CCDC82: variants seen among roughly 807,000 people sequenced by gnomAD.
CCDC82 encodes the protein coiled-coil domain containing 82.
A neutral mutation model predicts 60.6 loss-of-function variants in CCDC82; 47 were observed. That is an observed-to-expected ratio of 0.77 (90% CI 0.61 to 0.99). The LOEUF is 0.99. Ranked by LOEUF, CCDC82 falls within the 50% of genes least tolerant of loss-of-function variation. CCDC82 has a pLI of 0.00. For synonymous variants in CCDC82, 212 were observed against 207.4 expected, an observed-to-expected ratio of 1.02 and a Z score of -0.19; for missense variants, 588 against 633.0, an observed-to-expected ratio of 0.93 and a Z score of 0.76.
intron 5 of CCDC82, among the ~76,000 whole-genome samples, chr11:96,379,327 T>C (rs1865749445): frequency 6.6e-6 from 1 of 151,884 alleles, no homozygotes; most frequent in Admixed American, 6.6e-5. Flanking sequence ...AACTCAATCA[T>C]AAATTATCAC....
chr11:96,387,318 C>T (rs776332706), intron 2 of CCDC82: 1 of 152,126 alleles, frequency 6.6e-6, no homozygotes, highest in Non-Finnish European at 1.5e-5. Context: ...AGTTATTTAT[C>T]ATGAAACAGG....
At chr11:96,374,310 A>G (rs1232013578) in intron 5 of CCDC82, among the ~76,000 whole-genome samples, 1 of 152,174 alleles carries the variant, frequency 6.6e-6, no homozygotes, top group Non-Finnish European at 1.5e-5. Flanking sequence ...ATTAGCAACC[A>G]TGGATAGATT....
intron 3 of CCDC82, chr11:96,385,582 G>A (rs1461775049): frequency 6.6e-6 from 1 of 152,136 alleles, no homozygotes; most frequent in Non-Finnish European, 1.5e-5. Flanking sequence ...TAAAATGGGA[G>A]TGGCTTTCCC....
Position 96,380,006 on chromosome 11 carries a change from A to G in CCDC82, c.991+3263T>C, listed in dbSNP as rs575025467. On this transcript the variant is annotated intron_variant, in intron 5 of 9. Coordinates refer to ENST00000646818, the MANE Select transcript of CCDC82 (RefSeq NM_024725.4). ...GAATATTACAAACGGAAATGCAAGAAAAGTAGGGTACCACAGAAAGTAGAA... is the reference window on the plus strand; with the variant it reads ...GAATATTACAAACGGAAATGCAAGAGAAGTAGGGTACCACAGAAAGTAGAA... Among the ~76,000 whole-genome samples, 3 of 151,968 alleles carry G rather than the reference A, an allele frequency of 2.0e-5. No homozygotes were observed. The South Asian group carries it at 6.2e-4, about 32-fold the overall frequency.
intron 5 of CCDC82, chr11:96,381,186 A>C (rs1394896408): frequency 1.3e-5 from 2 of 151,704 alleles, no homozygotes; most frequent in African/African-American, 4.8e-5. Flanking sequence ...GCAGGAGTTG[A>C]TATGAGTTGG....
At position 96,384,119 on chromosome 11, in the gene CCDC82, G is replaced by A. The variant is rs765519872; in HGVS notation, c.629C>T (p.Pro210Leu). Reference sequence around the variant, plus strand: ...ACCTTCATCTTCAACCACTCTACGGGGACGTTTAACACCTACTTTTCTAAC... The same window carrying A: ...ACCTTCATCTTCAACCACTCTACGGAGACGTTTAACACCTACTTTTCTAAC... ...ILVRKVGVKR[P>L]RRVVEDEGSS... Residue 210 changes from proline (P) to leucine (L), a missense_variant, in exon 4 of 10, where the codon CCC (proline) becomes CTC (leucine). Coordinates refer to ENST00000646818, the MANE Select transcript of CCDC82 (RefSeq NM_024725.4). 5.0e-6 allele frequency: 8 copies of A among 1,613,474 alleles called. No individual in the cohort carries two copies. The highest frequency in any genetic ancestry group is 6.8e-6 in the Non-Finnish European group (8 of 1,179,736).
At chr11:96,356,520 A>C in intron 9 of CCDC82, 2 of 985,292 alleles carry the variant, frequency 2.0e-6, no homozygotes, top group South Asian at 9.4e-5. Context: ...TACTATCTTC[A>C]ACTTCCCAGG....
chr11:96,364,247 A>G (rs1258816390), intron 8 of CCDC82: 1 of 152,120 alleles, frequency 6.6e-6, no homozygotes, highest in Non-Finnish European at 1.5e-5. Flanking sequence ...ATACATATAT[A>G]TTCATATTTT....
intron 9 of CCDC82, chr11:96,355,888 G>T (rs1864322152): frequency 6.6e-6 from 1 of 152,140 alleles, no homozygotes; most frequent in African/African-American, 2.4e-5. Flanking sequence ...ACCTACTGAT[G>T]AAAACAGTTG....
Position 96,383,320 on chromosome 11 carries a change from CTTG to C in CCDC82, c.937_939del (p.Gln313del), listed in dbSNP as rs758626209. The C allele has an allele frequency of 4.0e-5, 65 of 1,607,936 alleles. No homozygotes were observed. The East Asian group carries it at 1.4e-3, about 35-fold the overall frequency. On this transcript the variant is annotated inframe_deletion, in exon 5 of 10. Coordinates refer to ENST00000646818, the MANE Select transcript of CCDC82 (RefSeq NM_024725.4). ...AGTTGTGATGTAGTCAATTTTTCTCCTTGTTGGTTTTTATTCTCTTCATCACCC... is the reference window on the plus strand; with the variant it reads ...AGTTGTGATGTAGTCAATTTTTCTCCTTGGTTTTTATTCTCTTCATCACCC...
At chr11:96,361,451 C>T (rs1334158662) in intron 8 of CCDC82, among the ~76,000 whole-genome samples, 1 of 152,156 alleles carries the variant, frequency 6.6e-6, no homozygotes, top group Non-Finnish European at 1.5e-5. Context: ...TACTTATCAT[C>T]ATATAGATCT....
At position 96,365,094 on chromosome 11, in the gene CCDC82, A is replaced by G; in HGVS notation, c.1266T>C (p.Cys422=). 1 of 1,606,614 alleles carries G rather than the reference A, an allele frequency of 6.2e-7. No homozygotes were observed. The highest frequency in any genetic ancestry group is 8.5e-7 in the Non-Finnish European group (1 of 1,176,176). The change falls in exon 8 of 10, where the codon TGT becomes TGC. Residue 422 remains cysteine, a synonymous_variant. Coordinates refer to ENST00000646818, the MANE Select transcript of CCDC82 (RefSeq NM_024725.4). ...VSIHLKNPEN[C]SCQACGLHRY... ...GATGCAGTCCACAAGCCTGGCAGGAACAGTTTTCAGGATTCTTCAAATGAA... is the reference window on the plus strand; with the variant it reads ...GATGCAGTCCACAAGCCTGGCAGGAGCAGTTTTCAGGATTCTTCAAATGAA...
At chr11:96,388,191 G>A (rs920846056) in intron 1 of CCDC82, 1 of 152,162 alleles carries the variant, frequency 6.6e-6, no homozygotes, top group Non-Finnish European at 1.5e-5. Context: ...GAATGATAAC[G>A]GAGGGAAAAG....
chr11:96,373,516 T>C (rs1865399489), intron 5 of CCDC82, 49 bp from the exon 6 acceptor site: 3 of 1,126,624 alleles, frequency 2.7e-6, no homozygotes, highest in African/African-American at 1.6e-5. Flanking sequence ...CAAAATAATT[T>C]CTTGAATACA....
chr11:96,385,449 A>G, intron 3 of CCDC82: 1 of 152,418 alleles, frequency 6.6e-6, no homozygotes. Flanking sequence ...GAGAAATGAT[A>G]TAAAGTATAA....
chr11:96,387,009 T>C (rs957262022), intron 2 of CCDC82: 2 of 152,248 alleles, frequency 1.3e-5, no homozygotes, highest in African/African-American at 2.4e-5. Context: ...TTAAGCTGTA[T>C]AGTACAAAAA....
In CCDC82 at chr11:96,358,283, G is replaced by A. The variant is rs56898130; in HGVS notation, c.1566+710C>T. 2,914 of 1,126,026 alleles carry A rather than the reference G, an allele frequency of 2.6e-3. 47 individuals are homozygous for A. The African/African-American group carries it at 0.042, about 16-fold the overall frequency. The allele number at this position is 1,126,026 out of a possible 1,614,324, so 69.8% of individuals were successfully genotyped here. A position where few individuals can be genotyped will look rare whatever the true frequency, so the allele number is the denominator to read the frequency against. ...AGACTTGTTTTAGAAGACTGCAGTC[G>A]TATTAGCATTCTTTCCATATACCAT... On this transcript the variant is annotated intron_variant, in intron 9 of 9. Coordinates refer to ENST00000646818, the MANE Select transcript of CCDC82 (RefSeq NM_024725.4).
At chr11:96,366,018 T>C (rs558393799) in intron 7 of CCDC82, among the ~76,000 whole-genome samples, 226 of 152,372 alleles carry the variant, frequency 1.5e-3, no homozygotes, top group South Asian at 9.7e-3. Flanking sequence ...GGTCAACTTT[T>C]CATATTTCTC....
chr11:96,374,179 C>G (rs925086131), intron 5 of CCDC82, among the ~76,000 whole-genome samples: 1 of 152,216 alleles, frequency 6.6e-6, no homozygotes, highest in African/African-American at 2.4e-5. Flanking sequence ...CTTGATCCAA[C>G]AGTCACTGTA....
Sources: gnomAD v4.1 joint callset for allele counts (sites outside exome capture counted in the v4.1 genomes callset) on GRCh38, gnomAD v4.1.1 for gene constraint, MANE v1.5 for transcripts, NCBI Gene and HGNC (gene_info 2026-07-23, HGNC 2026-07-21) for gene names.